Variants in NEK5 observed in about 807,000 individuals in gnomAD.
NEK5 encodes serine/threonine-protein kinase Nek5.
A neutral mutation model predicts 109.2 loss-of-function variants in NEK5; 88 were observed. The observed-to-expected ratio is 0.81, with a 90% CI of 0.68 to 0.96. The LOEUF is 0.96. NEK5 is among the 40% of genes least tolerant of loss of function. The probability of loss-of-function intolerance (pLI) is 0.00; values close to 1 mark genes in which losing one functional copy is unlikely to be tolerated. For missense variants in NEK5, 834 were observed against 920.7 expected, an observed-to-expected ratio of 0.91 and a Z score of 1.22; for synonymous variants, 283 against 299.9, an observed-to-expected ratio of 0.94 and a Z score of 0.58.
At chr13:52,074,887 T>C (rs1339698796) in intron 19 of NEK5, among the ~76,000 whole-genome samples, 1 of 152,182 alleles carries the variant, frequency 6.6e-6, no homozygotes, top group Non-Finnish European at 1.5e-5. Context: ...TCATCATCAC[T>C]AATTATCAGA....
At position 52,109,553 on chromosome 13, in the gene NEK5, G is replaced by T. The variant is rs1955718202; in HGVS notation, c.467+787C>A. 2.6e-5 allele frequency among the ~76,000 whole-genome samples: 4 copies of T among 152,018 alleles called. No homozygotes were observed. The South Asian group carries it at 8.3e-4, about 32-fold the overall frequency. Reference sequence around the variant, plus strand: ...AAGAAAATTCCCTTCTTTTTCCAAGGCTTTTTCCTGATCCAGGAAAAAGTT... The same window carrying T: ...AAGAAAATTCCCTTCTTTTTCCAAGTCTTTTTCCTGATCCAGGAAAAAGTT... On this transcript the variant is annotated intron_variant, in intron 7 of 23. Coordinates refer to ENST00000684899, the MANE Select transcript of NEK5 (RefSeq NM_001365552.1).
rs1181220534 is a variant in NEK5 at position 52,090,207 on chromosome 13, A to G, written c.1209-894T>C. Among the ~76,000 whole-genome samples, 3 of 152,114 alleles carry G rather than the reference A, an allele frequency of 2.0e-5. 1 individual carries two copies. The highest frequency in any genetic ancestry group is 6.3e-3 in the Middle Eastern group (2 of 316). ...ATTTTCAAGTTTATACTCACATTTT[A>G]TGTATCTTTTTTTTGGCAGAATTTC... On this transcript the variant is annotated intron_variant, in intron 13 of 23. Coordinates refer to ENST00000684899, the MANE Select transcript of NEK5 (RefSeq NM_001365552.1).
intron 14 of NEK5, 32 bp downstream of exon 14, chr13:52,089,215 T>A: frequency 7.5e-7 from 1 of 1,328,704 alleles, no homozygotes; most frequent in Non-Finnish European, 1.1e-6. Flanking sequence ...AGGAAATTCC[T>A]AATTGCTTCC....
intron 20 of NEK5, among the ~76,000 whole-genome samples, chr13:52,066,606 CCATCCTGGCCAA>C (rs1566744199): frequency 6.6e-6 from 1 of 151,960 alleles, no homozygotes. Flanking sequence ...GAGATCGAAA[CCATCCTGGCCAA>C]CATGGTGAAA....
chr13:52,075,360 A>T (rs1256341290), intron 19 of NEK5, among the ~76,000 whole-genome samples: 1 of 152,140 alleles, frequency 6.6e-6, no homozygotes, highest in East Asian at 1.9e-4. Flanking sequence ...AGCAAATTAC[A>T]TAGGGATAGA....
At chr13:52,082,316 A>G (rs986657860) in intron 17 of NEK5, 245 of 1,045,618 alleles carry the variant, frequency 2.3e-4, no homozygotes, top group Non-Finnish European at 2.9e-4. Context: ...ATTCCATCTA[A>G]AAAAAAAAGA....
At chr13:52,101,892 T>C in intron 11 of NEK5, 41 bp downstream of exon 11, 1 of 1,438,772 alleles carries the variant, frequency 7.0e-7, no homozygotes, top group South Asian at 1.1e-5. Flanking sequence ...GTGAGACATG[T>C]GTAATAAATA....
At chr13:52,044,489 C>T (rs185521117) in intron 23 of NEK5, among the ~76,000 whole-genome samples, 4 of 152,230 alleles carry the variant, frequency 2.6e-5, no homozygotes, top group East Asian at 3.9e-4. Context: ...ACAACATAAA[C>T]GTCCCCAACA....
intron 20 of NEK5, among the ~76,000 whole-genome samples, chr13:52,070,281 T>A (rs1394684645): frequency 6.6e-6 from 1 of 152,144 alleles, no homozygotes; most frequent in Non-Finnish European, 1.5e-5. Flanking sequence ...CCATGTAGTG[T>A]TAAATGTGAT....
intron 5 of NEK5, 143 bp downstream of exon 5, chr13:52,112,125 A>G: frequency 2.2e-6 from 1 of 458,486 alleles, no homozygotes; most frequent in Admixed American, 3.8e-5. Context: ...TACCAAGAAT[A>G]TTGATCCACT....
intron 23 of NEK5, among the ~76,000 whole-genome samples, 176 bp from the exon 24 acceptor site, chr13:52,037,394 GT>G (rs1954369689): frequency 6.6e-6 from 1 of 151,894 alleles, no homozygotes; most frequent in Non-Finnish European, 1.5e-5. Flanking sequence ...CTTCTGTTGA[GT>G]TTTACATTGT....
In NEK5 at chr13:52,119,409, T is replaced by C. The variant is rs1399115115; in HGVS notation, c.124A>G (p.Ile42Val). The part of the protein sequence containing the change: ...IKEINFEKMP[I>V]QEKEASKKEV... ...TTCTTTGAAGCTTCTTTTTCTTGTA[T>C]GGGCATCTAAATTACATTAAGAGAC... Residue 42 changes from isoleucine to valine, a missense_variant, in exon 4 of 24, where the codon ATA (isoleucine) becomes GTA (valine). Ile to Val is a conservative substitution (Grantham distance 29). Around this residue, in one of 2 missense-constraint regions of NEK5, gnomAD observed 777 missense variants for 824.7 expected, o/e 0.94. Coordinates refer to ENST00000684899, the MANE Select transcript of NEK5 (RefSeq NM_001365552.1). 2 of 1,570,824 alleles carry C rather than the reference T, an allele frequency of 1.3e-6. No homozygotes were observed. The highest frequency in any genetic ancestry group is 1.3e-5 in the African/African-American group (1 of 74,080).
At chr13:52,051,287 G>A (rs1954503961) in intron 22 of NEK5, among the ~76,000 whole-genome samples, 1 of 151,672 alleles carries the variant, frequency 6.6e-6, no homozygotes, top group African/African-American at 2.4e-5. Context: ...CCCCAAATTG[G>A]CTCCTATATG....
At chr13:52,081,703 T>C (rs1320197221) in intron 17 of NEK5, among the ~76,000 whole-genome samples, 6 of 152,202 alleles carry the variant, frequency 3.9e-5, no homozygotes, top group Non-Finnish European at 7.3e-5. Context: ...GTTACTCCTC[T>C]TGCATAAAAT....
chr13:52,102,892 A>C (rs1955570654), intron 9 of NEK5, among the ~76,000 whole-genome samples: 1 of 152,188 alleles, frequency 6.6e-6, no homozygotes, highest in South Asian at 2.1e-4. Flanking sequence ...AGTTATAAAG[A>C]CAGGGGAAAA....
At chr13:52,127,328 C>A in intron 3 of NEK5, 38 bp downstream of exon 3, 1 of 1,017,662 alleles carries the variant, frequency 9.8e-7, no homozygotes, top group Non-Finnish European at 1.5e-6. Context: ...AGCTGAATAT[C>A]CCACTGAAAA....
rs201844242 is a variant in NEK5, at chr13:52,043,573, GA to G, written c.2229-6356del. Among the ~76,000 whole-genome samples, 888 of 146,430 alleles carry G rather than the reference GA, an allele frequency of 6.1e-3. 4 individuals are homozygous for G. Among genetic ancestry groups the G allele is most frequent in the African/African-American group, 0.02 (807 of 39,992 alleles). Reference sequence around the variant, plus strand: ...AAAAGAAAGAAAAAGAAAAAGAAAAGAAAAAAAAGTGCTTAAAAAAATACAT... The same window carrying G: ...AAAAGAAAGAAAAAGAAAAAGAAAAGAAAAAAAGTGCTTAAAAAAATACAT... On this transcript the variant is annotated intron_variant, in intron 23 of 23. Coordinates refer to ENST00000684899, the MANE Select transcript of NEK5 (RefSeq NM_001365552.1).
At chr13:52,115,264 G>T (rs961458894) in intron 4 of NEK5, among the ~76,000 whole-genome samples, 2 of 150,586 alleles carry the variant, frequency 1.3e-5, no homozygotes, top group Non-Finnish European at 3.0e-5. Flanking sequence ...GCCTCCCAAA[G>T]TTCTGGGATT....
At chr13:52,071,620 C>T (rs980606580) in intron 20 of NEK5, among the ~76,000 whole-genome samples, 2 of 152,206 alleles carry the variant, frequency 1.3e-5, no homozygotes, top group African/African-American at 2.4e-5. Context: ...CTTGACTTTA[C>T]ACAGCTGAGT....
Sources: gnomAD v4.1 joint callset for allele counts (sites outside exome capture counted in the v4.1 genomes callset) on GRCh38, gnomAD v4.1.1 for gene constraint, gnomAD v4.1.1 regional missense constraint, MANE v1.5 for transcripts, NCBI Gene and HGNC (gene_info 2026-07-23, HGNC 2026-07-21) for gene names.